Variants in SNX27 observed in about 807,000 individuals in gnomAD.
The protein encoded by SNX27 is sorting nexin-27.
A neutral mutation model predicts 71.6 loss-of-function variants in SNX27; 22 were observed. The observed-to-expected ratio is 0.31, with a 90% CI of 0.22 to 0.44. The LOEUF (loss-of-function observed/expected upper bound fraction) is 0.44. Ranked by LOEUF, SNX27 falls within the 20% of genes least tolerant of loss-of-function variation. The probability of loss-of-function intolerance (pLI) is 1.00; values close to 1 mark genes in which losing one functional copy is unlikely to be tolerated. For missense variants in SNX27, 531 were observed against 698.6 expected (o/e 0.76, Z 2.70); for synonymous variants, 269 against 277.2 (o/e 0.97, Z 0.29).
At chr1:151,690,692 C>T (rs1671399897) in intron 8 of SNX27, among the ~76,000 whole-genome samples, 1 of 151,966 alleles carries the variant, frequency 6.6e-6, no homozygotes, top group Non-Finnish European at 1.5e-5. Context: ...AGTGATCCTC[C>T]CACCTCAGCC....
Position 151,662,279 on chromosome 1 carries a change from A to C in SNX27, c.906+9A>C, listed in dbSNP as rs1669996880. The C allele has an allele frequency of 6.4e-7, 1 of 1,555,264 alleles. No homozygotes were observed. Among genetic ancestry groups the C allele is most frequent in the Non-Finnish European group, 8.9e-7 (1 of 1,127,324 alleles). ...CAGACCAAGTATATCAGGTAAATTA[A>C]ATGAACACGTAGACTTGACATTGGA... On this transcript the variant is annotated intron_variant, in intron 5 of 11. Transcript: ENST00000458013.
intron 2 of SNX27, among the ~76,000 whole-genome samples, chr1:151,641,720 GATAT>G (rs895867637): frequency 7.5e-6 from 1 of 133,998 alleles, no homozygotes; most frequent in African/African-American, 2.8e-5. Flanking sequence ...TATAGCATAT[GATAT>G]ATATCAGATA....
At chr1:151,677,857 T>C (rs1558069734) in intron 7 of SNX27, 1 of 152,254 alleles carries the variant, frequency 6.6e-6, no homozygotes, top group African/African-American at 2.4e-5. Context: ...TTCTGAACTT[T>C]CCTATTGCCT....
intron 2 of SNX27, among the ~76,000 whole-genome samples, chr1:151,646,148 CAT>C (rs938996927): frequency 2.0e-5 from 3 of 152,148 alleles, no homozygotes; most frequent in African/African-American, 7.2e-5. Flanking sequence ...TCTCATATAA[CAT>C]ATGAGCCACT....
Position 151,612,077 on chromosome 1 carries a change from G to A in SNX27, c.-125G>A. On this transcript the variant is annotated 5_prime_UTR_variant, in exon 1 of 12. Transcript: ENST00000458013. This position sits in a 1 kb window ranked among gnomAD's most constrained non-coding sequence, Gnocchi z 5.2. ...CCCGCGCCAGCAGCTCGGTGGCCGA[G>A]TCGGTCCCGCGGCCGGCGGATCGGG... is the stretch of plus-strand genomic sequence containing the variant. 1 of 1,105,308 alleles carries A rather than the reference G, an allele frequency of 9.0e-7. No individual in the cohort carries two copies. Among genetic ancestry groups the A allele is most frequent in the Non-Finnish European group, 1.2e-6 (1 of 853,372 alleles). The allele number at this position is 1,105,308 out of a possible 1,614,324, so 68.5% of individuals were successfully genotyped here. A position where few individuals can be genotyped will look rare whatever the true frequency, so the allele number is the denominator to read the frequency against.
chr1:151,672,464 A>T (rs1279584249), intron 7 of SNX27, among the ~76,000 whole-genome samples: 1 of 151,828 alleles, frequency 6.6e-6, no homozygotes, highest in Non-Finnish European at 1.5e-5. Context: ...CTTTTTTGAT[A>T]TGTCTTTGTC....
chr1:151,636,874 A>G (rs1312094450), intron 1 of SNX27, among the ~76,000 whole-genome samples: 1 of 152,060 alleles, frequency 6.6e-6, no homozygotes, highest in Non-Finnish European at 1.5e-5. Context: ...CTTTAATCAA[A>G]ATCTATATAC....
At chr1:151,626,542 A>G (rs1409844498) in intron 1 of SNX27, among the ~76,000 whole-genome samples, 3 of 152,120 alleles carry the variant, frequency 2.0e-5, no homozygotes, top group Non-Finnish European at 4.4e-5. Flanking sequence ...CTCTACTGAA[A>G]ATGCAAAAAA....
rs770792811 is a variant in SNX27 at position 151,666,020 on chromosome 1, C to T, written c.985+9C>T. 1 of 1,602,940 alleles carries T rather than the reference C, an allele frequency of 6.2e-7. No individual in the cohort carries two copies. Among genetic ancestry groups the T allele is most frequent in the African/African-American group, 1.3e-5 (1 of 74,752 alleles). On this transcript the variant is annotated intron_variant, in intron 6 of 11. Transcript: ENST00000458013. The stretch of plus-strand genomic sequence containing the variant: ...GATCAGTCACTCCTTTGGTAAGTAC[C>T]AGTGGCTGATACTAAGTTTTGTTTT...
chr1:151,669,856 C>T (rs1386911802), intron 7 of SNX27, among the ~76,000 whole-genome samples: 5 of 152,028 alleles, frequency 3.3e-5, no homozygotes, highest in Admixed American at 6.6e-5. Flanking sequence ...ATGAGGTATC[C>T]ATCCCCTCAA....
At chr1:151,631,151 G>A (rs2102618546) in intron 1 of SNX27, among the ~76,000 whole-genome samples, 1 of 152,352 alleles carries the variant, frequency 6.6e-6, no homozygotes, top group East Asian at 1.9e-4. Context: ...AGAAAGGACA[G>A]ACCCTTACAT....
intron 2 of SNX27, among the ~76,000 whole-genome samples, chr1:151,652,129 G>A (rs973073954): frequency 6.0e-5 from 9 of 151,050 alleles, no homozygotes; most frequent in African/African-American, 2.2e-4. Flanking sequence ...GCAGTGAGCC[G>A]AGATGGCAGC....
chr1:151,637,563 C>A (rs565323712), intron 1 of SNX27, among the ~76,000 whole-genome samples: 1 of 152,206 alleles, frequency 6.6e-6, no homozygotes, highest in Non-Finnish European at 1.5e-5. Context: ...TTATTTTTTT[C>A]TATAGCTAGC....
chr1:151,651,888 C>G (rs1006537127), intron 2 of SNX27, among the ~76,000 whole-genome samples: 60 of 152,052 alleles, frequency 3.9e-4, no homozygotes, highest in African/African-American at 1.4e-3. Flanking sequence ...CGAGATCACG[C>G]CACTGCACTC....
intron 2 of SNX27, among the ~76,000 whole-genome samples, chr1:151,640,528 C>T (rs1430940152): frequency 6.6e-6 from 1 of 152,094 alleles, no homozygotes; most frequent in African/African-American, 2.4e-5. Flanking sequence ...GTGCGCACCA[C>T]CATGCCCTGC....
At chr1:151,676,031 A>G (rs1444383852) in intron 7 of SNX27, 1 of 147,790 alleles carries the variant, frequency 6.8e-6, no homozygotes, top group Non-Finnish European at 1.5e-5. Context: ...AGGATCTTGC[A>G]GTGTTGCCCA....
chr1:151,635,421 G>A (rs1487176246), intron 1 of SNX27, among the ~76,000 whole-genome samples: 5 of 152,160 alleles, frequency 3.3e-5, no homozygotes, highest in Admixed American at 3.3e-4. Context: ...CTTTGAACCT[G>A]AAGTCTGTAC....
At chr1:151,618,534 T>C (rs910350810) in intron 1 of SNX27, among the ~76,000 whole-genome samples, 5 of 152,228 alleles carry the variant, frequency 3.3e-5, no homozygotes, top group African/African-American at 1.2e-4. Context: ...TTTTAACTTA[T>C]TGTGAAGAAC....
chr1:151,650,346 C>T (rs1487700364), intron 2 of SNX27, among the ~76,000 whole-genome samples: 1 of 152,090 alleles, frequency 6.6e-6, no homozygotes, highest in Non-Finnish European at 1.5e-5. Context: ...TTCTCCTTAT[C>T]TTTAGTTTTC....
Sources: gnomAD v4.1 joint callset for allele counts (sites outside exome capture counted in the v4.1 genomes callset) on GRCh38, gnomAD v4.1.1 for gene constraint, Gnocchi (gnomAD v3.1) non-coding constraint, MANE v1.5 for transcripts, NCBI Gene and HGNC (gene_info 2026-07-23, HGNC 2026-07-21) for gene names.